The following RCAN1 variants were observed in gnomAD, a reference collection of about 807,000 sequenced individuals.
RCAN1 encodes calcipressin-1.
RCAN1 carries 11 observed loss-of-function variants against 22.9 expected under a neutral mutation model. The observed-to-expected ratio is 0.48, with a 90% CI of 0.30 to 0.79. The LOEUF (loss-of-function observed/expected upper bound fraction) is 0.79. Ranked by LOEUF, RCAN1 falls within the 30% of genes least tolerant of loss-of-function variation. The pLI is 0.06. For synonymous variants in RCAN1, 136 were observed against 142.3 expected (o/e 0.96, Z 0.32); for missense variants, 291 against 337.8 (o/e 0.86, Z 1.09).
intron 1 of RCAN1, among the ~76,000 whole-genome samples, chr21:34,609,382 T>C (rs532676633): frequency 1.3e-5 from 2 of 152,204 alleles, no homozygotes; most frequent in Non-Finnish European, 2.9e-5. Flanking sequence ...TGATTCTGCA[T>C]AGACAATGTA....
At chr21:34,550,808 C>T (rs1986335994) in intron 1 of RCAN1, among the ~76,000 whole-genome samples, 3 of 152,168 alleles carry the variant, frequency 2.0e-5, no homozygotes, top group Admixed American at 2.0e-4. Flanking sequence ...AAGGAAAAGC[C>T]TCTGAAAGAA....
intron 1 of RCAN1, among the ~76,000 whole-genome samples, chr21:34,592,424 G>A (rs1988004929): frequency 1.3e-5 from 2 of 152,172 alleles, no homozygotes; most frequent in Non-Finnish European, 2.9e-5. Flanking sequence ...GATCAGGGCT[G>A]GGCTGCTGTT....
At chr21:34,550,498 G>T (rs1986326029) in intron 1 of RCAN1, among the ~76,000 whole-genome samples, 1 of 152,156 alleles carries the variant, frequency 6.6e-6, no homozygotes, top group Admixed American at 6.5e-5. Flanking sequence ...AGGAGATTTG[G>T]ACACCAGACA....
intron 1 of RCAN1, among the ~76,000 whole-genome samples, chr21:34,555,579 A>AAAT (rs1555860828): frequency 8.6e-4 from 129 of 150,804 alleles, no homozygotes; most frequent in Middle Eastern, 3.4e-3. Context: ...CTCAAAAAAA[A>AAAT]AAATAAATAA....
rs116335554 is a variant in RCAN1 at position 34,590,094 on chromosome 21, C to G, written c.252+24666G>C. 7.8e-3 allele frequency among the ~76,000 whole-genome samples: 1,185 copies of G among 152,298 alleles called. 14 individuals are homozygous for G. The highest frequency in any genetic ancestry group is 0.027 in the African/African-American group (1,121 of 41,554). ...TGTTAGCACACCACAGTCTGTCTGC[C>G]AGAGGCCCTTGTGCCAACCATTTCC... On this transcript the variant is annotated intron_variant, in intron 1 of 3. Coordinates refer to ENST00000313806, the MANE Select transcript of RCAN1 (RefSeq NM_004414.7).
intron 1 of RCAN1, among the ~76,000 whole-genome samples, chr21:34,562,677 C>G (rs1182836159): frequency 6.6e-6 from 1 of 152,220 alleles, no homozygotes; most frequent in Non-Finnish European, 1.5e-5. Flanking sequence ...GATCAAATCC[C>G]AGATTCGCTC....
At chr21:34,566,051 G>A (rs1464264415) in intron 1 of RCAN1, among the ~76,000 whole-genome samples, 1 of 152,176 alleles carries the variant, frequency 6.6e-6, no homozygotes, top group Non-Finnish European at 1.5e-5. Context: ...CAGCAGAAGT[G>A]GAGATATTTC....
intron 1 of RCAN1, among the ~76,000 whole-genome samples, chr21:34,545,190 T>C (rs1455386877): frequency 6.6e-6 from 1 of 152,206 alleles, no homozygotes; most frequent in Non-Finnish European, 1.5e-5. Context: ...CCCCCGCCCC[T>C]TGTTTCAGTG....
Position 34,614,486 on chromosome 21 carries a change from CT to C in RCAN1, c.252+273del, listed in dbSNP as rs1455385267. On this transcript the variant is annotated intron_variant, in intron 1 of 3. Transcript: ENST00000313806. This position sits in a 1 kb window ranked among gnomAD's most constrained non-coding sequence, Gnocchi z 6.0. ...CACCTTGGGGAGCGAATTCACCCCC[CT>C]AGTCGCACCAGCCTGGGCGCACACG... is the stretch of plus-strand genomic sequence containing the variant. 9.7e-7 allele frequency: 1 copy of C among 1,033,538 alleles called. No individual in the cohort carries two copies. Among genetic ancestry groups the C allele is most frequent in the African/African-American group, 1.7e-5 (1 of 58,496 alleles). The allele number at this position is 1,033,538 out of a possible 1,614,324, so 64.0% of individuals were successfully genotyped here. A position where few individuals can be genotyped will look rare whatever the true frequency, so the allele number is the denominator to read the frequency against.
chr21:34,614,602 C>T lies in RCAN1; in HGVS notation c.252+158G>A, dbSNP rs1421288975. 6.6e-6 allele frequency among the ~76,000 whole-genome samples: 1 copy of T among 151,718 alleles called. No homozygotes were observed. The highest frequency in any genetic ancestry group is 2.4e-5 in the African/African-American group (1 of 41,380). ...CGGGACCCTCGGGGCGCCGTCCCCACGCCCCAGCCCTGACGGGTCCGCGGC... is the reference window on the plus strand; with the variant it reads ...CGGGACCCTCGGGGCGCCGTCCCCATGCCCCAGCCCTGACGGGTCCGCGGC... On this transcript the variant is annotated intron_variant, in intron 1 of 3. Transcript: ENST00000313806. This position sits in a 1 kb window ranked among gnomAD's most constrained non-coding sequence, Gnocchi z 6.0.
chr21:34,573,149 A>C lies in RCAN1; in HGVS notation c.252+41611T>G, dbSNP rs144266042. Among the ~76,000 whole-genome samples the C allele has an allele frequency of 2.3e-3, 346 of 152,328 alleles. 1 individual carries two copies. Among genetic ancestry groups the C allele is most frequent in the Non-Finnish European group, 2.6e-3 (180 of 68,026 alleles). On this transcript the variant is annotated intron_variant, in intron 1 of 3. Transcript: ENST00000313806. ...ATGTTGGTTTTACAACAGTGATCAA[A>C]GGATGCTTTTTGAAAACTGACTTGA... is the stretch of plus-strand genomic sequence containing the variant.
intron 1 of RCAN1, among the ~76,000 whole-genome samples, chr21:34,603,005 A>G (rs1601220350): frequency 1.3e-5 from 2 of 152,300 alleles, no homozygotes; most frequent in East Asian, 1.9e-4. Context: ...AGGTCCACTC[A>G]GGAAGCGGCT....
At chr21:34,521,124 C>T (rs1984485072) in intron 3 of RCAN1, 3 of 1,258,734 alleles carry the variant, frequency 2.4e-6, no homozygotes, top group East Asian at 3.1e-5. Context: ...TTAAAGGGGG[C>T]ATCGATTTTC....
chr21:34,563,754 C>CA (rs58299654), intron 1 of RCAN1, among the ~76,000 whole-genome samples: 129 of 44,308 alleles, frequency 2.9e-3, no homozygotes, highest in East Asian at 6.4e-3. Context: ...CTAAAAATAC[C>CA]AAAAAAAAAA....
rs1601127143 is a variant in RCAN1 at position 34,521,857 on chromosome 21, G to A, written c.427-199C>T. The A allele has an allele frequency of 7.1e-6, 4 of 565,976 alleles. No individual in the cohort carries two copies. In the East Asian group the frequency reaches 1.2e-4, roughly 17 times the overall value. The allele number at this position is 565,976 out of a possible 1,614,324, so 35.1% of individuals were successfully genotyped here. A position where few individuals can be genotyped will look rare whatever the true frequency, so the allele number is the denominator to read the frequency against. ...TGAACTCTGGTTGTGGCACAGATAG[G>A]ATGACAGCCCCCTCCCAGGGCTATG... On this transcript the variant is annotated intron_variant, in intron 2 of 3. Transcript: ENST00000313806.
In RCAN1 at chr21:34,517,979, C is replaced by T. The variant is rs1244995117; in HGVS notation, c.*105G>A. 1 of 1,411,316 alleles carries T rather than the reference C, an allele frequency of 7.1e-7. No individual in the cohort carries two copies. The highest frequency in any genetic ancestry group is 9.8e-7 in the Non-Finnish European group (1 of 1,020,358). 87.4% of individuals were successfully genotyped at this position (1,411,316 alleles called of 1,614,324 possible). ...CAACATGAACTGGGATTTCTGCCACCCCGATCTCGGCTGCCACCTCCGAAG... is the reference window on the plus strand; with the variant it reads ...CAACATGAACTGGGATTTCTGCCACTCCGATCTCGGCTGCCACCTCCGAAG... On this transcript the variant is annotated 3_prime_UTR_variant, in exon 4 of 4. Transcript: ENST00000313806.
chr21:34,561,817 C>T (rs1160338656), intron 1 of RCAN1, among the ~76,000 whole-genome samples: 1 of 152,228 alleles, frequency 6.6e-6, no homozygotes, highest in South Asian at 2.1e-4. Context: ...GCCCGACGTT[C>T]AGGGCCACGG....
intron 1 of RCAN1, among the ~76,000 whole-genome samples, chr21:34,578,822 C>T (rs1408076895): frequency 6.6e-6 from 1 of 152,130 alleles, no homozygotes; most frequent in Non-Finnish European, 1.5e-5. Context: ...AGTGGGTCCT[C>T]CTGGCCACTC....
chr21:34,546,741 T>G lies in RCAN1; in HGVS notation c.253-23031A>C, dbSNP rs1453374959. The stretch of plus-strand genomic sequence containing the variant: ...AGAATAGGAGGAAGCAGGTTTAGAA[T>G]AGCAATGGGTTTTTCCCTGAGATGT... On this transcript the variant is annotated intron_variant, in intron 1 of 3. Transcript: ENST00000313806. Among the ~76,000 whole-genome samples, 3 of 152,190 alleles carry G rather than the reference T, an allele frequency of 2.0e-5. No individual in the cohort carries two copies. In the East Asian group the frequency reaches 5.8e-4, roughly 29 times the overall value.
Sources: gnomAD v4.1 joint callset for allele counts (sites outside exome capture counted in the v4.1 genomes callset) on GRCh38, gnomAD v4.1.1 for gene constraint, Gnocchi (gnomAD v3.1) non-coding constraint, MANE v1.5 for transcripts, NCBI Gene and HGNC (gene_info 2026-07-23, HGNC 2026-07-21) for gene names.